Variants in NLGN4X observed in about 807,000 individuals in gnomAD.
The protein encoded by NLGN4X is neuroligin 4 X-linked.
NLGN4X carries 3 observed loss-of-function variants against 40.3 expected under a neutral mutation model. That is an observed-to-expected ratio of 0.07 (90% confidence interval 0.03 to 0.19). The LOEUF (loss-of-function observed/expected upper bound fraction) is 0.19, where lower values mean the gene tolerates loss of function less well. NLGN4X is among the 10% of genes least tolerant of loss of function. The pLI, the probability that NLGN4X is intolerant of heterozygous loss-of-function variation, is 1.00. For synonymous variants in NLGN4X, 270 were observed against 306.8 expected (o/e 0.88, Z 1.25); for missense variants, 382 against 708.3 (o/e 0.54, Z 5.23).
At chrX:6,107,744 T>A (rs143458954) in intron 2 of NLGN4X, among the ~76,000 whole-genome samples, 67 of 111,712 alleles carry the variant, frequency 6.0e-4, no homozygotes, top group African/African-American at 2.1e-3. Flanking sequence ...ATTGTTTCCA[T>A]CTTTATATCC....
At chrX:6,013,554 A>G (rs755203150) in intron 3 of NLGN4X, among the ~76,000 whole-genome samples, 31 of 111,513 alleles carry the variant, frequency 2.8e-4, no homozygotes, top group African/African-American at 1.0e-3. Flanking sequence ...ATGAGCTATG[A>G]CCACAGCCGT....
Position 6,192,522 on chromosome X carries a change from A to G in NLGN4X, c.-306+36019T>C, listed in dbSNP as rs558055978. ...GATATTAAAAGGTAATGAATGAACC[A>G]TCTACCTAAGGTCATGCTGTAGTGT... On this transcript the variant is annotated intron_variant, in intron 1 of 5. Transcript: ENST00000381095. Among the ~76,000 whole-genome samples the G allele has an allele frequency of 3.6e-5, 4 of 111,918 alleles. No individual in the cohort carries two copies. In the South Asian group the frequency reaches 1.5e-3, roughly 42 times the overall value.
At chrX:5,946,461 A>G (rs747654038) in intron 3 of NLGN4X, among the ~76,000 whole-genome samples, 7 of 111,576 alleles carry the variant, frequency 6.3e-5, no homozygotes, top group Non-Finnish European at 1.9e-5. Context: ...ATAAGAGAAT[A>G]TGGCACCATT....
At chrX:6,144,605 C>T (rs1243169097) in intron 2 of NLGN4X, among the ~76,000 whole-genome samples, 1 of 111,348 alleles carries the variant, frequency 9.0e-6, no homozygotes, top group African/African-American at 3.3e-5. Context: ...CTGCCACCTG[C>T]GTTCCTTTCT....
Position 6,140,986 on chromosome X carries a change from T to C in NLGN4X, c.472+10009A>G, listed in dbSNP as rs138428581. 8.3e-3 allele frequency among the ~76,000 whole-genome samples: 923 copies of C among 111,666 alleles called. 30 individuals carry two copies. The highest frequency in any genetic ancestry group is 0.075 in the Admixed American group (789 of 10,478). ...CTTTGCTTTATTTTACCAGTAGCAA[T>C]TGCATGAAGAGATCACTCCTTTGGA... On this transcript the variant is annotated intron_variant, in intron 2 of 5. Transcript: ENST00000381095.
chrX:6,061,782 T>TA (rs752016254), intron 2 of NLGN4X: 1 of 112,088 alleles, frequency 8.9e-6, no homozygotes, highest in African/African-American at 3.2e-5. Flanking sequence ...CCCAGTTGAC[T>TA]ACCTCTCTGT....
At chrX:6,138,977 A>G (rs911348803) in intron 2 of NLGN4X, among the ~76,000 whole-genome samples, 5 of 111,974 alleles carry the variant, frequency 4.5e-5, no homozygotes, top group African/African-American at 1.6e-4. Context: ...ATCTGATTTT[A>G]GCTCAAAATG....
intron 1 of NLGN4X, among the ~76,000 whole-genome samples, chrX:6,155,586 G>T (rs1401604104): frequency 9.0e-6 from 1 of 111,641 alleles, no homozygotes; most frequent in African/African-American, 3.3e-5. Flanking sequence ...GCACACACAA[G>T]TCCTCCATCC....
intron 3 of NLGN4X, among the ~76,000 whole-genome samples, chrX:5,956,171 ATATT>A (rs1378433055): frequency 9.2e-6 from 1 of 108,293 alleles, no homozygotes; most frequent in Non-Finnish European, 1.9e-5. Context: ...TGAAATATAT[ATATT>A]TAATCTATAT....
At chrX:6,184,005 G>A (rs948068939) in intron 1 of NLGN4X, among the ~76,000 whole-genome samples, 1 of 112,032 alleles carries the variant, frequency 8.9e-6, no homozygotes, top group African/African-American at 3.2e-5. Flanking sequence ...TGATTTTTAA[G>A]CAAGTATCTG....
Position 5,903,646 on chromosome X carries a change from G to A in NLGN4X, c.1032C>T (p.Ile344=), listed in dbSNP as rs1216086207. Residue 344 remains isoleucine (I), a synonymous_variant, in exon 5 of 6, where the codon ATC becomes ATT. Transcript: ENST00000381095. ...ATYHIAFGPV[I]DGDVIPDDPQ... Reference sequence around the variant, plus strand: ...GGTCGTCTGGGATGACGTCGCCGTCGATCACCGGCCCGAAGGCTATGTGGT... The same window carrying A: ...GGTCGTCTGGGATGACGTCGCCGTCAATCACCGGCCCGAAGGCTATGTGGT... The A allele has an allele frequency of 5.0e-6, 6 of 1,209,690 alleles. No homozygotes were observed. The highest frequency in any genetic ancestry group is 1.8e-5 in the African/African-American group (1 of 56,967).
chrX:6,077,170 C>G (rs751121500), intron 2 of NLGN4X, among the ~76,000 whole-genome samples: 9 of 111,801 alleles, frequency 8.1e-5, no homozygotes, highest in Non-Finnish European at 1.7e-4. Context: ...GTAACTAATG[C>G]ACAGAGAGAA....
chrX:5,972,063 G>A (rs966851991), intron 3 of NLGN4X, among the ~76,000 whole-genome samples: 4 of 110,901 alleles, frequency 3.6e-5, no homozygotes, highest in Admixed American at 9.6e-5. Context: ...AATATCTAAC[G>A]AAAGGGGAAA....
intron 4 of NLGN4X, among the ~76,000 whole-genome samples, chrX:5,905,291 G>C (rs771623521): frequency 9.0e-6 from 1 of 111,254 alleles, no homozygotes; most frequent in African/African-American, 3.3e-5. Flanking sequence ...GACTAAAATA[G>C]TTGGATAATG....
At chrX:5,969,745 T>C (rs1458547153) in intron 3 of NLGN4X, among the ~76,000 whole-genome samples, 1 of 110,124 alleles carries the variant, frequency 9.1e-6, no homozygotes, top group Non-Finnish European at 1.9e-5. Flanking sequence ...TGCGTCACTA[T>C]TCGTAATAGC....
chrX:6,200,682 C>CTTTTTTTTTTT (rs775377499), intron 1 of NLGN4X, among the ~76,000 whole-genome samples: 1 of 71,651 alleles, frequency 1.4e-5, no homozygotes, highest in African/African-American at 6.4e-5. Context: ...TATTCCTTTC[C>CTTTTTTTTTTT]TTTTCTTTTT....
At chrX:6,009,650 T>G (rs1210993969) in intron 3 of NLGN4X, among the ~76,000 whole-genome samples, 4 of 112,040 alleles carry the variant, frequency 3.6e-5, no homozygotes, top group African/African-American at 1.3e-4. Flanking sequence ...AGCAATTGAG[T>G]TGCAGTATAA....
chrX:6,047,252 C>T (rs1049733772), intron 2 of NLGN4X, among the ~76,000 whole-genome samples: 3 of 110,730 alleles, frequency 2.7e-5, no homozygotes, highest in East Asian at 2.8e-4. Context: ...CTGAGGCAGG[C>T]GGATCACTTG....
chrX:6,145,686 G>A (rs749427070), intron 2 of NLGN4X, among the ~76,000 whole-genome samples: 1 of 111,592 alleles, frequency 9.0e-6, no homozygotes, highest in East Asian at 2.8e-4. Context: ...TATAAAAGAA[G>A]CGAATACATT....
Sources: gnomAD v4.1 joint callset for allele counts (sites outside exome capture counted in the v4.1 genomes callset) on GRCh38, gnomAD v4.1.1 for gene constraint, MANE v1.5 for transcripts, NCBI Gene and HGNC (gene_info 2026-07-23, HGNC 2026-07-21) for gene names.